The following ATP1B1 variants were observed in gnomAD, a reference collection of about 807,000 sequenced individuals.
ATP1B1 encodes the protein sodium/potassium-transporting ATPase subunit beta-1.
A neutral mutation model predicts 39.6 loss-of-function variants in ATP1B1; 3 were observed. That is an observed-to-expected ratio of 0.08 (90% CI 0.03 to 0.20). The LOEUF is 0.20. Ranked by LOEUF, ATP1B1 falls within the 10% of genes least tolerant of loss-of-function variation. ATP1B1 has a pLI of 1.00. For synonymous variants in ATP1B1, 139 were observed against 135.0 expected, an observed-to-expected ratio of 1.03 and a Z score of -0.20; for missense variants, 216 against 371.1, an observed-to-expected ratio of 0.58 and a Z score of 3.43.
At chr1:169,123,643 T>G (rs1193443811) in intron 2 of ATP1B1, among the ~76,000 whole-genome samples, 1 of 151,076 alleles carries the variant, frequency 6.6e-6, no homozygotes, top group African/African-American at 2.4e-5. Context: ...ATAGGTTTTT[T>G]TTTTTGAGAT....
intron 3 of ATP1B1, among the ~76,000 whole-genome samples, chr1:169,127,009 A>G (rs542625643): frequency 2.0e-5 from 3 of 152,362 alleles, no homozygotes; most frequent in East Asian, 3.9e-4. Context: ...GTGTGGGGCC[A>G]TATACCAGCT....
Position 169,111,471 on chromosome 1 carries a change from A to G in ATP1B1, c.199A>G (p.Thr67Ala). Residue 67 changes from threonine to alanine, a missense_variant, in exon 2 of 6, where the codon ACA becomes GCA. By Grantham distance (58) the Thr-to-Ala change is moderately conservative. Transcript: ENST00000367815. ...MLLTISEFKP[T>A]YQDRVAPPGL... ...GCTCACCATCAGTGAATTTAAGCCC[A>G]CATATCAGGACCGAGTGGCCCCGCC... 3 of 1,614,238 alleles carry G rather than the reference A, an allele frequency of 1.9e-6. No homozygotes were observed. The highest frequency in any genetic ancestry group is 2.5e-6 in the Non-Finnish European group (3 of 1,180,040).
rs1053427584 is a variant in ATP1B1, at chr1:169,111,300, G to C, written c.98-70G>C. ...AACCAGGAAGGAAGCTTGTTCATCC[G>C]TGGGAAGATTAAACTTTCATTCTGA... On this transcript the variant is annotated intron_variant, in intron 1 of 5. Transcript: ENST00000367815. The C allele has an allele frequency of 2.5e-6, 4 of 1,589,620 alleles. No homozygotes were observed. In the Admixed American group the frequency reaches 5.0e-5, roughly 20 times the overall value.
intron 2 of ATP1B1, among the ~76,000 whole-genome samples, chr1:169,120,854 C>T (rs1657965941): frequency 6.6e-6 from 1 of 152,140 alleles, no homozygotes; most frequent in Non-Finnish European, 1.5e-5. Flanking sequence ...TAACTCTCTT[C>T]TGGGCCAGTA....
chr1:169,115,440 CT>C lies in ATP1B1; in HGVS notation c.226+3943del, dbSNP rs376165659. On this transcript the variant is annotated intron_variant, in intron 2 of 5. Transcript: ENST00000367815. Reference sequence around the variant, plus strand: ...CTTGGCTCACTGCAACCTCTGCCCCCTGGGTTCAAGCGATTCTCCTGCCTCA... The same window carrying C: ...CTTGGCTCACTGCAACCTCTGCCCCCGGGTTCAAGCGATTCTCCTGCCTCA... Among the ~76,000 whole-genome samples, 1,345 of 151,354 alleles carry C rather than the reference CT, an allele frequency of 8.9e-3. 17 individuals carry two copies. The highest frequency in any genetic ancestry group is 0.031 in the African/African-American group (1,281 of 41,234).
intron 1 of ATP1B1, among the ~76,000 whole-genome samples, chr1:169,108,315 C>T (rs940044546): frequency 1.3e-5 from 2 of 152,112 alleles, no homozygotes; most frequent in African/African-American, 4.8e-5. Context: ...CATAGTGTCT[C>T]AGGCATAAAG....
rs368611507 is a variant in ATP1B1, at chr1:169,111,357, G to A, written c.98-13G>A. 3.7e-6 allele frequency: 6 copies of A among 1,613,576 alleles called. No individual in the cohort carries two copies. Among genetic ancestry groups the A allele is most frequent in the Non-Finnish European group, 4.2e-6 (5 of 1,179,870 alleles). ...GACTGCATCACAGCTTTTTGTTTCT[G>A]TTCTTCTTGCAGTTAAGATCCTTCT... On this transcript the variant is annotated splice_polypyrimidine_tract_variant and intron_variant, in intron 1 of 5. Coordinates refer to ENST00000367815, the MANE Select transcript of ATP1B1 (RefSeq NM_001677.4).
intron 2 of ATP1B1, among the ~76,000 whole-genome samples, chr1:169,112,720 A>G (rs1365119301): frequency 6.6e-6 from 1 of 152,230 alleles, no homozygotes; most frequent in Non-Finnish European, 1.5e-5. Flanking sequence ...GAAAAACTCA[A>G]AATATTTCCA....
At chr1:169,108,650 A>G (rs1336720189) in intron 1 of ATP1B1, among the ~76,000 whole-genome samples, 4 of 152,174 alleles carry the variant, frequency 2.6e-5, no homozygotes, top group Non-Finnish European at 5.9e-5. Flanking sequence ...GTAAGGCAGT[A>G]TGGACTGACT....
chr1:169,117,078 C>A (rs1348176061), intron 2 of ATP1B1, among the ~76,000 whole-genome samples: 2 of 152,170 alleles, frequency 1.3e-5, no homozygotes, highest in Admixed American at 6.5e-5. Context: ...CTTCCTTATA[C>A]TTTGGAGGGG....
At chr1:169,118,993 G>A (rs953903755) in intron 2 of ATP1B1, among the ~76,000 whole-genome samples, 7 of 152,166 alleles carry the variant, frequency 4.6e-5, no homozygotes, top group African/African-American at 1.2e-4. Context: ...AAACTCACAT[G>A]TAGATTGAGA....
Position 169,127,363 on chromosome 1 carries a change from G to T in ATP1B1, c.522G>T (p.Pro174=), listed in dbSNP as rs144685960. 8 of 1,611,724 alleles carry T rather than the reference G, an allele frequency of 5.0e-6. No homozygotes were observed. The highest frequency in any genetic ancestry group is 6.8e-6 in the Non-Finnish European group (8 of 1,179,418). The change falls in exon 4 of 6, where the codon CCG becomes CCT. Residue 174 remains proline, a synonymous_variant. Coordinates refer to ENST00000367815, the MANE Select transcript of ATP1B1 (RefSeq NM_001677.4). ...DETYGYKEGK[P]CIIIKLNRVL... is the part of the protein sequence containing the mutation. ...CTTATGGCTACAAAGAGGGCAAACC[G>T]TGCATTATTATAAAGCTCAACCGAG...
chr1:169,114,902 A>G (rs911444362), intron 2 of ATP1B1, among the ~76,000 whole-genome samples: 2 of 152,036 alleles, frequency 1.3e-5, no homozygotes, highest in Admixed American at 6.5e-5. Flanking sequence ...TTAAAAAAAA[A>G]GGGGTGGGGC....
intron 3 of ATP1B1, among the ~76,000 whole-genome samples, chr1:169,126,357 T>C (rs1658085995): frequency 6.6e-6 from 1 of 152,244 alleles, no homozygotes; most frequent in Non-Finnish European, 1.5e-5. Flanking sequence ...GTTTGCATTA[T>C]TTTCCTCCAG....
At chr1:169,126,833 C>G (rs930215801) in intron 3 of ATP1B1, among the ~76,000 whole-genome samples, 1 of 152,032 alleles carries the variant, frequency 6.6e-6, no homozygotes, top group Non-Finnish European at 1.5e-5. Flanking sequence ...TTATAATATC[C>G]CTGTTACTGA....
intron 2 of ATP1B1, among the ~76,000 whole-genome samples, chr1:169,121,031 T>G (rs1316576321): frequency 1.3e-5 from 2 of 149,752 alleles, no homozygotes; most frequent in Admixed American, 1.3e-4. Context: ...CACTGCAACC[T>G]CTGCCTCTTG....
intron 2 of ATP1B1, among the ~76,000 whole-genome samples, chr1:169,123,689 C>T (rs1005087091): frequency 7.9e-5 from 12 of 151,442 alleles, no homozygotes; most frequent in African/African-American, 2.9e-4. Context: ...TGCAGTGGCA[C>T]GATCTTGGCT....
At chr1:169,118,643 G>A (rs1478395163) in intron 2 of ATP1B1, among the ~76,000 whole-genome samples, 1 of 152,144 alleles carries the variant, frequency 6.6e-6, no homozygotes, top group African/African-American at 2.4e-5. Context: ...TCTCATATAT[G>A]TGCGTATGCA....
intron 2 of ATP1B1, among the ~76,000 whole-genome samples, chr1:169,118,639 A>G (rs1158556836): frequency 6.6e-6 from 1 of 152,228 alleles, no homozygotes; most frequent in Non-Finnish European, 1.5e-5. Flanking sequence ...TCTATCTCAT[A>G]TATGTGCGTA....
Sources: gnomAD v4.1 joint callset for allele counts (sites outside exome capture counted in the v4.1 genomes callset) on GRCh38, gnomAD v4.1.1 for gene constraint, MANE v1.5 for transcripts, NCBI Gene and HGNC (gene_info 2026-07-23, HGNC 2026-07-21) for gene names.